Variants in ARMC1 observed in about 807,000 individuals in gnomAD.
ARMC1 encodes armadillo repeat containing 1.
A neutral mutation model predicts 31.4 loss-of-function variants in ARMC1; 16 were observed. The observed-to-expected ratio is 0.51, with a 90% CI of 0.34 to 0.77. The LOEUF (loss-of-function observed/expected upper bound fraction) is 0.77. Ranked by LOEUF, ARMC1 falls within the 30% of genes least tolerant of loss-of-function variation. The pLI, the probability that ARMC1 is intolerant of heterozygous loss-of-function variation, is 0.01. For missense variants in ARMC1, 259 were observed against 347.5 expected, an observed-to-expected ratio of 0.75 and a Z score of 2.02; for synonymous variants, 114 against 118.9, an observed-to-expected ratio of 0.96 and a Z score of 0.27.
intron 1 of ARMC1, among the ~76,000 whole-genome samples, chr8:65,633,171 A>G (rs1808689166): frequency 6.6e-6 from 1 of 152,244 alleles, no homozygotes; most frequent in Non-Finnish European, 1.5e-5. Flanking sequence ...TCCTTCTCGT[A>G]CAGTCAAGAT....
At chr8:65,619,344 C>A (rs1808343675) in intron 3 of ARMC1, among the ~76,000 whole-genome samples, 2 of 151,888 alleles carry the variant, frequency 1.3e-5, no homozygotes, top group East Asian at 3.9e-4. Context: ...TCGAGACCAG[C>A]CTGGCCAATA....
At chr8:65,619,112 A>G (rs2129042782) in intron 3 of ARMC1, among the ~76,000 whole-genome samples, 1 of 152,348 alleles carries the variant, frequency 6.6e-6, no homozygotes, top group African/African-American at 2.4e-5. Context: ...ATTTGAAAAC[A>G]GGGATACAAA....
chr8:65,604,623 C>CT, intron 6 of ARMC1, 38 bp from the exon 7 acceptor site: 1 of 1,574,466 alleles, frequency 6.4e-7, no homozygotes, highest in Non-Finnish European at 8.7e-7. Flanking sequence ...ACAAAATCAA[C>CT]TTTACTCCTT....
At chr8:65,611,034 A>G (rs181676580) in intron 4 of ARMC1, among the ~76,000 whole-genome samples, 2 of 152,078 alleles carry the variant, frequency 1.3e-5, no homozygotes, top group East Asian at 3.9e-4. Context: ...CCTGGGTTCA[A>G]GCGATTCTCC....
At chr8:65,633,605 A>C (rs1563423322) in intron 1 of ARMC1, 1 of 152,284 alleles carries the variant, frequency 6.6e-6, no homozygotes, top group Non-Finnish European at 1.5e-5. Context: ...ACAGTCTTAA[A>C]TATAAAAATG....
intron 1 of ARMC1, among the ~76,000 whole-genome samples, chr8:65,631,145 G>A (rs1276139104): frequency 6.6e-6 from 1 of 152,172 alleles, no homozygotes; most frequent in Non-Finnish European, 1.5e-5. Flanking sequence ...AACTTCAGGA[G>A]AGAACTCCTC....
At chr8:65,625,941 T>C (rs961165654) in intron 2 of ARMC1, among the ~76,000 whole-genome samples, 4 of 150,378 alleles carry the variant, frequency 2.7e-5, no homozygotes, top group African/African-American at 9.8e-5. Context: ...CAGGCTCGAG[T>C]GCAATGGCAC....
chr8:65,610,300 C>T lies in ARMC1; in HGVS notation c.465+2944G>A, dbSNP rs185729428. On this transcript the variant is annotated intron_variant, in intron 4 of 6. Transcript: ENST00000276569. Reference sequence around the variant, plus strand: ...CTTTAGTAGAGACGGGGTTTCACCACGTTGGCCAGGCTGGTCTTGAACTCC... The same window carrying T: ...CTTTAGTAGAGACGGGGTTTCACCATGTTGGCCAGGCTGGTCTTGAACTCC... 2.6e-5 allele frequency among the ~76,000 whole-genome samples: 4 copies of T among 151,886 alleles called. No homozygotes were observed. In the South Asian group the frequency reaches 6.2e-4, roughly 24 times the overall value.
At chr8:65,615,568 G>A (rs1291565796) in intron 3 of ARMC1, among the ~76,000 whole-genome samples, 6 of 152,038 alleles carry the variant, frequency 3.9e-5, no homozygotes, top group African/African-American at 9.7e-5. Flanking sequence ...CTAGCTGGGC[G>A]TGGTGGCAGG....
chr8:65,621,991 G>A (rs1000654913), intron 3 of ARMC1, among the ~76,000 whole-genome samples: 36 of 151,706 alleles, frequency 2.4e-4, no homozygotes, highest in Admixed American at 1.7e-3. Context: ...AGGCTAGAGC[G>A]CAATGGCACG....
chr8:65,624,426 G>A (rs1808468490), intron 2 of ARMC1, among the ~76,000 whole-genome samples: 1 of 143,428 alleles, frequency 7.0e-6, no homozygotes, highest in African/African-American at 2.5e-5. Context: ...TTGAACCCGG[G>A]AGGCAGAGGT....
chr8:65,618,126 G>C (rs986752433), intron 3 of ARMC1, among the ~76,000 whole-genome samples: 8 of 152,064 alleles, frequency 5.3e-5, no homozygotes, highest in Admixed American at 5.2e-4. Flanking sequence ...ATGTTGGTCA[G>C]GCTGGTCTCG....
chr8:65,627,136 T>G, intron 2 of ARMC1, 80 bp downstream of exon 2: 2 of 1,354,206 alleles, frequency 1.5e-6, no homozygotes, highest in Non-Finnish European at 2.0e-6. Context: ...TTTTTTTACC[T>G]TGTCATCTAG....
intron 3 of ARMC1, among the ~76,000 whole-genome samples, chr8:65,616,818 G>T (rs1182547725): frequency 6.7e-6 from 1 of 149,918 alleles, no homozygotes; most frequent in Non-Finnish European, 1.5e-5. Context: ...GTCTCTGCCC[G>T]GCCGCCCTGT....
intron 6 of ARMC1, among the ~76,000 whole-genome samples, chr8:65,604,790 G>A (rs1181845462): frequency 8.5e-5 from 13 of 152,208 alleles, no homozygotes; most frequent in African/African-American, 1.9e-4. Flanking sequence ...ATGAGCAACC[G>A]CTCTCTGTGT....
rs576183095 is a variant in ARMC1 at position 65,618,958 on chromosome 8, G to A, written c.275+3305C>T. On this transcript the variant is annotated intron_variant, in intron 3 of 6. Coordinates refer to ENST00000276569, the MANE Select transcript of ARMC1 (RefSeq NM_018120.6). ...CTTGGGAGACTGAGGCAGGAGAATC[G>A]CTTGAACCCGGGAGGCGGAGGTTGC... Among the ~76,000 whole-genome samples the A allele has an allele frequency of 3.1e-3, 475 of 152,102 alleles. 3 individuals are homozygous for A. The highest frequency in any genetic ancestry group is 0.011 in the African/African-American group (445 of 41,512).
intron 2 of ARMC1, among the ~76,000 whole-genome samples, chr8:65,624,927 C>A (rs1341795251): frequency 6.6e-6 from 1 of 152,126 alleles, no homozygotes; most frequent in Admixed American, 6.5e-5. Context: ...TCGAGACTAG[C>A]CTGGCCAACA....
At chr8:65,614,147 T>C (rs931718085) in intron 3 of ARMC1, among the ~76,000 whole-genome samples, 3 of 152,210 alleles carry the variant, frequency 2.0e-5, no homozygotes, top group African/African-American at 4.8e-5. Context: ...GGATCATTCA[T>C]ACTATCAACT....
At chr8:65,626,659 A>G (rs1397128744) in intron 2 of ARMC1, among the ~76,000 whole-genome samples, 1 of 152,150 alleles carries the variant, frequency 6.6e-6, no homozygotes, top group Admixed American at 6.6e-5. Flanking sequence ...TCCAATCCTC[A>G]AGATTGTTAA....
Sources: allele counts gnomAD v4.1 joint callset (sites outside exome capture counted in the v4.1 genomes callset), GRCh38; gene constraint gnomAD v4.1.1; transcripts MANE v1.5; gene names NCBI Gene and HGNC (gene_info 2026-07-23, HGNC 2026-07-21).